The following LHFPL2 variants were observed in gnomAD, a reference collection of about 807,000 sequenced individuals.
LHFPL2 encodes LHFPL tetraspan subfamily member 2.
LHFPL2 carries 7 observed loss-of-function variants against 17.5 expected under a neutral mutation model. That is an observed-to-expected ratio of 0.40 (90% CI 0.23 to 0.75). The LOEUF (loss-of-function observed/expected upper bound fraction) is 0.75, where lower values mean the gene tolerates loss of function less well. Among genes scored for constraint, LHFPL2 ranks in the 30% least tolerant of loss-of-function variants. LHFPL2 has a pLI of 0.37. For missense variants in LHFPL2, 241 were observed against 294.8 expected (o/e 0.82, Z 1.34); for synonymous variants, 134 against 116.2 (o/e 1.15, Z -0.99).
At chr5:78,631,703 A>G (rs1163395528) in intron 2 of LHFPL2, among the ~76,000 whole-genome samples, 4 of 152,374 alleles carry the variant, frequency 2.6e-5, no homozygotes, top group South Asian at 2.1e-4. Context: ...TGGGAGGCCA[A>G]CGCAGGCGGA....
intron 2 of LHFPL2, among the ~76,000 whole-genome samples, chr5:78,571,382 C>T (rs1430135789): frequency 2.6e-5 from 4 of 152,166 alleles, no homozygotes; most frequent in Admixed American, 6.5e-5. Flanking sequence ...TCATCTTCCA[C>T]GCAGCCTTCT....
intron 2 of LHFPL2, among the ~76,000 whole-genome samples, chr5:78,588,363 ATTTCTTT>A (rs1751542242): frequency 6.6e-6 from 1 of 152,172 alleles, no homozygotes; most frequent in Non-Finnish European, 1.5e-5. Flanking sequence ...AACAGCAAAC[ATTTCTTT>A]AAAAAAATTT....
intron 2 of LHFPL2, among the ~76,000 whole-genome samples, chr5:78,581,980 T>C (rs2112444638): frequency 6.6e-6 from 1 of 152,372 alleles, no homozygotes; most frequent in Non-Finnish European, 1.5e-5. Flanking sequence ...CTGTTATTGG[T>C]CTATTCAGAG....
rs767755035 is a variant in LHFPL2, at chr5:78,486,114, TAAAA to T, written c.*2779_*2782del. On this transcript the variant is annotated 3_prime_UTR_variant, in exon 5 of 5. Coordinates refer to ENST00000380345, the MANE Select transcript of LHFPL2 (RefSeq NM_005779.3). ...TATATATTTTTAAATATGCTACACA[TAAAA>T]AAAGACTATGGCACTTTACAGAATA... 3.1e-4 allele frequency: 48 copies of T among 152,660 alleles called. No homozygotes were observed. The highest frequency in any genetic ancestry group is 9.1e-4 in the African/African-American group (38 of 41,536). The allele number at this position is 152,660 out of a possible 1,614,324, so 9.5% of individuals were successfully genotyped here. A position where few individuals can be genotyped will look rare whatever the true frequency, so the allele number is the denominator to read the frequency against.
At chr5:78,530,009 A>G (rs1312216492) in intron 3 of LHFPL2, among the ~76,000 whole-genome samples, 1 of 152,220 alleles carries the variant, frequency 6.6e-6, no homozygotes, top group Admixed American at 6.5e-5. Flanking sequence ...GAAGGGAGAG[A>G]AAATAAACTA....
At chr5:78,564,667 AT>A (rs1420291822) in intron 3 of LHFPL2, 145 bp downstream of exon 3, 1 of 152,220 alleles carries the variant, frequency 6.6e-6, no homozygotes, top group African/African-American at 2.4e-5. Flanking sequence ...GATCCAAGTG[AT>A]GTTTCTAGCC....
intron 2 of LHFPL2, among the ~76,000 whole-genome samples, chr5:78,590,467 T>TAA (rs1743588879): frequency 6.6e-6 from 1 of 152,168 alleles, no homozygotes; most frequent in African/African-American, 2.4e-5. Flanking sequence ...ATAAATACTA[T>TAA]AAGTAAAGTT....
At chr5:78,623,801 GCA>G (rs1410623040) in intron 2 of LHFPL2, among the ~76,000 whole-genome samples, 1 of 152,142 alleles carries the variant, frequency 6.6e-6, no homozygotes, top group Non-Finnish European at 1.5e-5. Context: ...GCATGGCTTT[GCA>G]CACAGTATAT....
intron 2 of LHFPL2, among the ~76,000 whole-genome samples, chr5:78,585,404 G>A (rs966741559): frequency 6.6e-6 from 1 of 152,000 alleles, no homozygotes; most frequent in Admixed American, 6.5e-5. Context: ...CTTTGACTAG[G>A]AAAGGGAACT....
intron 3 of LHFPL2, among the ~76,000 whole-genome samples, chr5:78,539,513 T>C (rs1220574214): frequency 3.9e-5 from 6 of 152,168 alleles, no homozygotes; most frequent in Non-Finnish European, 8.8e-5. Flanking sequence ...GTATATCGTA[T>C]GCACTCAGTT....
At chr5:78,508,126 A>G (rs1189803276) in intron 4 of LHFPL2, among the ~76,000 whole-genome samples, 1 of 152,182 alleles carries the variant, frequency 6.6e-6, no homozygotes, top group East Asian at 1.9e-4. Flanking sequence ...AAGTGAGTCA[A>G]AAGGGGACAA....
intron 2 of LHFPL2, among the ~76,000 whole-genome samples, chr5:78,623,162 G>A (rs755714896): frequency 6.6e-6 from 1 of 152,206 alleles, no homozygotes; most frequent in Non-Finnish European, 1.5e-5. Context: ...GTACTTAAGT[G>A]ATTTAGACCT....
chr5:78,572,572 T>C (rs952902135), intron 2 of LHFPL2, among the ~76,000 whole-genome samples: 3 of 151,532 alleles, frequency 2.0e-5, no homozygotes, highest in Non-Finnish European at 4.4e-5. Context: ...TATGAGGACA[T>C]TGTAAGACTG....
chr5:78,493,955 C>T (rs939602516), intron 4 of LHFPL2, among the ~76,000 whole-genome samples: 4 of 152,180 alleles, frequency 2.6e-5, no homozygotes, highest in Non-Finnish European at 5.9e-5. Flanking sequence ...TCATAGGTTA[C>T]GTCCAGAGGC....
In LHFPL2 at chr5:78,492,039, C is replaced by G. The variant is rs190930775; in HGVS notation, c.431-2886G>C. Among the ~76,000 whole-genome samples, 16 of 152,266 alleles carry G rather than the reference C, an allele frequency of 1.1e-4. No individual in the cohort carries two copies. In the East Asian group the frequency reaches 1.9e-3, roughly 18 times the overall value. On this transcript the variant is annotated intron_variant, in intron 4 of 4. Coordinates refer to ENST00000380345, the MANE Select transcript of LHFPL2 (RefSeq NM_005779.3). Reference sequence around the variant, plus strand: ...ACCCCAATTAATCTTGTCTGCATCCCACTTTGTTCCCTATGAAGCCTCCCC... The same window carrying G: ...ACCCCAATTAATCTTGTCTGCATCCGACTTTGTTCCCTATGAAGCCTCCCC...
intron 2 of LHFPL2, among the ~76,000 whole-genome samples, chr5:78,566,486 CAG>C (rs1756863465): frequency 6.7e-6 from 1 of 149,794 alleles, no homozygotes; most frequent in Non-Finnish European, 1.5e-5. Flanking sequence ...TTTTTTGAGA[CAG>C]AGTCTCCCTC....
chr5:78,587,730 G>T (rs553033503), intron 2 of LHFPL2, among the ~76,000 whole-genome samples: 5 of 152,296 alleles, frequency 3.3e-5, no homozygotes, highest in Admixed American at 2.0e-4. Context: ...TGTGTCTTTT[G>T]CTGTCTTTAA....
intron 2 of LHFPL2, among the ~76,000 whole-genome samples, chr5:78,604,665 C>A (rs1341110562): frequency 6.6e-6 from 1 of 152,210 alleles, no homozygotes; most frequent in Non-Finnish European, 1.5e-5. Flanking sequence ...ACACTACATG[C>A]AAACCCTGAT....
intron 3 of LHFPL2, among the ~76,000 whole-genome samples, chr5:78,524,195 G>A (rs760157210): frequency 1.3e-5 from 2 of 152,124 alleles, no homozygotes; most frequent in African/African-American, 4.8e-5. Flanking sequence ...CTCACCTTGC[G>A]CCCAGGTTAT....
Sources: allele counts gnomAD v4.1 joint callset (sites outside exome capture counted in the v4.1 genomes callset), GRCh38; gene constraint gnomAD v4.1.1; transcripts MANE v1.5; gene names NCBI Gene and HGNC (gene_info 2026-07-23, HGNC 2026-07-21).